The following GPC6 variants were observed in gnomAD, a reference collection of about 807,000 sequenced individuals.
The protein encoded by GPC6 is glypican-6.
GPC6 carries 14 observed loss-of-function variants against 55.2 expected under a neutral mutation model. The observed-to-expected ratio is 0.25, with a 90% CI of 0.17 to 0.40. The LOEUF is 0.40. GPC6 is among the 10% of genes least tolerant of loss of function. The pLI is 1.00. For synonymous variants in GPC6, 278 were observed against 259.6 expected, an observed-to-expected ratio of 1.07 and a Z score of -0.68; for missense variants, 641 against 708.5, an observed-to-expected ratio of 0.90 and a Z score of 1.08.
chr13:93,828,303 C>T (rs1486736320), intron 2 of GPC6, among the ~76,000 whole-genome samples: 1 of 151,964 alleles, frequency 6.6e-6, no homozygotes, highest in South Asian at 2.1e-4. Context: ...ATCAGCAAGG[C>T]CAAGCTACTT....
Position 93,709,011 on chromosome 13 carries a change from T to G in GPC6, c.320-121143T>G, listed in dbSNP as rs147778992. On this transcript the variant is annotated intron_variant, in intron 2 of 8. Transcript: ENST00000377047. ...AGGTATGTTATTATATACGATGTAT[T>G]GAAGGATATCATGCCCATTATTTCT... 2.2e-3 allele frequency among the ~76,000 whole-genome samples: 340 copies of G among 151,928 alleles called. 2 individuals carry two copies. Among genetic ancestry groups the G allele is most frequent in the African/African-American group, 7.7e-3 (320 of 41,508 alleles).
At chr13:94,022,113 C>A (rs1214695518) in intron 3 of GPC6, among the ~76,000 whole-genome samples, 1 of 152,016 alleles carries the variant, frequency 6.6e-6, no homozygotes, top group Non-Finnish European at 1.5e-5. Context: ...TAATCTTTTT[C>A]TTTAGCAAAA....
intron 2 of GPC6, among the ~76,000 whole-genome samples, chr13:93,817,683 A>G: frequency 6.6e-6 from 1 of 151,980 alleles, no homozygotes; most frequent in Non-Finnish European, 1.5e-5. Context: ...ACATGGCAAA[A>G]CACCATCTCT....
chr13:93,254,284 A>C (rs1397969769), intron 1 of GPC6, among the ~76,000 whole-genome samples: 1 of 152,192 alleles, frequency 6.6e-6, no homozygotes, highest in Non-Finnish European at 1.5e-5. Context: ...TGATCACACC[A>C]CTGCACTCCA....
intron 4 of GPC6, among the ~76,000 whole-genome samples, chr13:94,045,815 C>T (rs1883712642): frequency 1.3e-5 from 2 of 151,384 alleles, no homozygotes; most frequent in South Asian, 4.2e-4. Context: ...TCTACTCAAG[C>T]AAAACCTTCT....
At chr13:93,453,641 G>A (rs919124743) in intron 1 of GPC6, among the ~76,000 whole-genome samples, 7 of 151,486 alleles carry the variant, frequency 4.6e-5, no homozygotes, top group African/African-American at 1.5e-4. Context: ...GTGGGTTCGC[G>A]GTCTCACTGG....
At chr13:94,236,347 A>ATT (rs71787063) in intron 4 of GPC6, among the ~76,000 whole-genome samples, 17,307 of 152,062 alleles carry the variant, frequency 0.11, 1,488 homozygotes, top group African/African-American at 0.24. Flanking sequence ...GAACTTTGTG[A>ATT]TTTCCTCTGC....
At chr13:93,613,257 A>C (rs749891799) in intron 2 of GPC6, among the ~76,000 whole-genome samples, 4 of 152,168 alleles carry the variant, frequency 2.6e-5, no homozygotes, top group Non-Finnish European at 4.4e-5. Flanking sequence ...TGAGTAAAAC[A>C]GCAACAATAA....
In GPC6 at chr13:93,949,789, G is replaced by A. The variant is rs139069316; in HGVS notation, c.712-77940G>A. Among the ~76,000 whole-genome samples, 1,042 of 152,200 alleles carry A rather than the reference G, an allele frequency of 6.8e-3. 13 individuals carry two copies. The highest frequency in any genetic ancestry group is 0.024 in the African/African-American group (998 of 41,522). ...GTCAACCAGGCTGGAGAGCAGTGGT[G>A]CGATCATGGCTCACTGCAACCTCCA... On this transcript the variant is annotated intron_variant, in intron 3 of 8. Transcript: ENST00000377047.
At chr13:94,218,941 C>A (rs142919511) in intron 4 of GPC6, among the ~76,000 whole-genome samples, 4 of 152,152 alleles carry the variant, frequency 2.6e-5, no homozygotes, top group Non-Finnish European at 5.9e-5. Context: ...CCTGGAGAAA[C>A]GCTATAGTAT....
chr13:93,305,591 G>A (rs1878829893), intron 1 of GPC6, among the ~76,000 whole-genome samples: 1 of 152,154 alleles, frequency 6.6e-6, no homozygotes, highest in Non-Finnish European at 1.5e-5. Context: ...ACTGAAGGTA[G>A]GAAGCATTAA....
chr13:93,947,738 C>T (rs903128284), intron 3 of GPC6, among the ~76,000 whole-genome samples: 2 of 147,664 alleles, frequency 1.4e-5, no homozygotes, highest in Admixed American at 1.4e-4. Flanking sequence ...CTCTTCAACG[C>T]TTTTTTTTTT....
chr13:93,269,808 C>T (rs1406397269), intron 1 of GPC6, among the ~76,000 whole-genome samples: 1 of 134,546 alleles, frequency 7.4e-6, no homozygotes, highest in South Asian at 2.4e-4. Flanking sequence ...GGTGTGGAGG[C>T]GTGAACCTGG....
chr13:94,287,128 C>A (rs139837470), intron 5 of GPC6, among the ~76,000 whole-genome samples: 1 of 152,114 alleles, frequency 6.6e-6, no homozygotes, highest in East Asian at 1.9e-4. Flanking sequence ...TAAACAGGAC[C>A]CGCCTTAAGC....
intron 2 of GPC6, among the ~76,000 whole-genome samples, chr13:93,554,631 C>T (rs1034917646): frequency 9.2e-5 from 14 of 152,136 alleles, no homozygotes; most frequent in Non-Finnish European, 7.3e-5. Flanking sequence ...AGTAGTCACT[C>T]GGTGATTTTT....
chr13:93,642,175 A>C (rs9516263), intron 2 of GPC6, among the ~76,000 whole-genome samples: 1 of 151,858 alleles, frequency 6.6e-6, no homozygotes, highest in Non-Finnish European at 1.5e-5. Flanking sequence ...CCCAGTATCT[A>C]TTGTTTCCCA....
At position 93,830,427 on chromosome 13, in the gene GPC6, A is replaced by T; in HGVS notation, c.593A>T (p.Lys198Met). 1 of 1,613,992 alleles carries T rather than the reference A, an allele frequency of 6.2e-7. No homozygotes were observed. Among genetic ancestry groups the T allele is most frequent in the Non-Finnish European group, 8.5e-7 (1 of 1,179,958 alleles). ...GTGAGCAAATACACTGACCAGCTCA[A>T]GCCATTTGGAGACGTGCCCCGGAAA... is the stretch of plus-strand genomic sequence containing the variant. The part of the protein sequence containing the change: ...ECVSKYTDQL[K>M]PFGDVPRKLK... Residue 198 changes from lysine (K) to methionine (M), a missense_variant, in exon 3 of 9, where the codon AAG becomes ATG. Physicochemically the swap from Lys to Met is moderately conservative, Grantham distance 95. Transcript: ENST00000377047.
chr13:94,217,328 T>G (rs919397988), intron 4 of GPC6, among the ~76,000 whole-genome samples: 1 of 152,186 alleles, frequency 6.6e-6, no homozygotes, highest in African/African-American at 2.4e-5. Context: ...AACTTATACC[T>G]CTTTCTGAGC....
intron 2 of GPC6, among the ~76,000 whole-genome samples, chr13:93,696,223 C>T (rs1882446869): frequency 1.3e-5 from 2 of 152,056 alleles, no homozygotes; most frequent in South Asian, 4.1e-4. Flanking sequence ...GGTAAATGTG[C>T]TTGATAAGAC....
Sources: allele counts gnomAD v4.1 joint callset (sites outside exome capture counted in the v4.1 genomes callset), GRCh38; gene constraint gnomAD v4.1.1; transcripts MANE v1.5; gene names NCBI Gene and HGNC (gene_info 2026-07-23, HGNC 2026-07-21).